The following IP6K3 variants were observed in gnomAD, a reference collection of about 807,000 sequenced individuals.
IP6K3 encodes the protein ATP:1D-myo-inositol-hexakisphosphate phosphotransferase.
In IP6K3, 20 loss-of-function variants were observed where a neutral mutation model predicts 28.8. The ratio of observed to expected loss-of-function variants is 0.70; its 90% CI spans 0.49 to 1.01. The LOEUF (loss-of-function observed/expected upper bound fraction) is 1.01. Ranked by LOEUF, IP6K3 falls within the 50% of genes least tolerant of loss-of-function variation. IP6K3 has a pLI of 0.00. For missense variants in IP6K3, 480 were observed against 537.1 expected, an observed-to-expected ratio of 0.89 and a Z score of 1.05; for synonymous variants, 213 against 221.3, an observed-to-expected ratio of 0.96 and a Z score of 0.33.
intron 4 of IP6K3, among the ~76,000 whole-genome samples, chr6:33,725,937 C>T (rs1319777154): frequency 3.9e-5 from 6 of 152,092 alleles, no homozygotes; most frequent in Non-Finnish European, 7.3e-5. Flanking sequence ...TTACATTTTA[C>T]GGCAGAAAAT....
At chr6:33,732,268 G>A (rs566121327) in intron 2 of IP6K3, among the ~76,000 whole-genome samples, 45 of 152,302 alleles carry the variant, frequency 3.0e-4, no homozygotes, top group Admixed American at 8.5e-4. Context: ...TGGCATCCCT[G>A]CCCATCATCC....
intron 1 of IP6K3, 92 bp from the exon 2 acceptor site, chr6:33,735,747 C>T: frequency 1.7e-6 from 1 of 590,814 alleles, no homozygotes; most frequent in Non-Finnish European, 2.8e-6. Flanking sequence ...GCCTCGACCC[C>T]AGAACAGGTT....
At chr6:33,747,267 A>G (rs1478751573), upstream of IP6K3, among the ~76,000 whole-genome samples, 1 of 152,140 alleles carries the variant, frequency 6.6e-6, no homozygotes, top group African/African-American at 2.4e-5. This position sits in a 1 kb window ranked among gnomAD's most constrained non-coding sequence, Gnocchi z 5.2. Flanking sequence ...TTCTTGCCCC[A>G]TCCTCTCTGC....
At position 33,740,998 on chromosome 6, in the gene IP6K3, T is replaced by C. The variant is rs190115843; in HGVS notation, c.-179-5343A>G. On this transcript the variant is annotated intron_variant, in intron 1 of 5. Transcript: ENST00000293756. ...AACATTCTGTTTTTCCCTGTGAGAA[T>C]GTGGTATGATTGCAGCTGTGAAGGT... is the stretch of plus-strand genomic sequence containing the variant. Among the ~76,000 whole-genome samples, 40 of 152,334 alleles carry C rather than the reference T, an allele frequency of 2.6e-4. 1 individual carries two copies. The East Asian group carries it at 7.3e-3, about 28-fold the overall frequency.
intron 1 of IP6K3, among the ~76,000 whole-genome samples, chr6:33,736,332 C>G (rs2127359714): frequency 6.6e-6 from 1 of 152,330 alleles, no homozygotes; most frequent in Non-Finnish European, 1.5e-5. Context: ...AAGAAGCAAG[C>G]TGAGCCACTG....
Position 33,726,900 on chromosome 6 carries a change from G to A in IP6K3, c.420C>T (p.Ala140=). The stretch of plus-strand genomic sequence containing the variant: ...GGGGCTCGGACCTCAGAAGAGCCTT[G>A]GCCGGGCTGCGGCGGAGTGGAGCAC... The part of the protein sequence containing the change: ...QLARSPKESP[A]KALLRSEPHL... The change falls in exon 4 of 6, where the codon GCC becomes GCT. Residue 140 remains alanine (A), a synonymous_variant. Coordinates refer to ENST00000293756, the MANE Select transcript of IP6K3 (RefSeq NM_054111.5). The A allele has an allele frequency of 1.2e-6, 2 of 1,600,746 alleles. No individual in the cohort carries two copies. The highest frequency in any genetic ancestry group is 1.7e-6 in the Non-Finnish European group (2 of 1,169,600).
intron 2 of IP6K3, among the ~76,000 whole-genome samples, chr6:33,730,518 G>A (rs1766281694): frequency 6.6e-6 from 1 of 152,196 alleles, no homozygotes; most frequent in Non-Finnish European, 1.5e-5. Context: ...CCATTCACCT[G>A]CCACTAGCGT....
chr6:33,759,208 T>A, the IP6K3 span, among the ~76,000 whole-genome samples: 1 of 152,230 alleles, frequency 6.6e-6, no homozygotes, highest in Non-Finnish European at 1.5e-5. Flanking sequence ...AGCCTGGGGC[T>A]GGGGAAGGGA....
chr6:33,737,653 T>C (rs964602248), intron 1 of IP6K3, among the ~76,000 whole-genome samples: 2 of 152,226 alleles, frequency 1.3e-5, no homozygotes, highest in Non-Finnish European at 2.9e-5. Context: ...CTCTTCCACA[T>C]TGGCTACTGC....
intron 1 of IP6K3, among the ~76,000 whole-genome samples, chr6:33,737,106 C>A (rs532309301): frequency 6.6e-6 from 1 of 152,312 alleles, no homozygotes; most frequent in African/African-American, 2.4e-5. Flanking sequence ...GGGGCCTGCT[C>A]TTCTCTAGGC....
chr6:33,745,115 C>T (rs746445095), intron 1 of IP6K3, among the ~76,000 whole-genome samples: 2 of 152,254 alleles, frequency 1.3e-5, no homozygotes, highest in Non-Finnish European at 2.9e-5. Context: ...TGCCACCCTG[C>T]GCCTCCCCAG....
chr6:33,728,367 G>A, intron 2 of IP6K3, 67 bp from the exon 3 acceptor site: 1 of 1,434,864 alleles, frequency 7.0e-7, no homozygotes, highest in Admixed American at 1.7e-5. Flanking sequence ...ACATGCAGGA[G>A]TGATGACGAG....
At chr6:33,736,472 T>C (rs1456040154) in intron 1 of IP6K3, among the ~76,000 whole-genome samples, 3 of 151,916 alleles carry the variant, frequency 2.0e-5, no homozygotes, top group South Asian at 2.1e-4. Flanking sequence ...TGGTGTGATC[T>C]CGGCTCACTG....
intron 5 of IP6K3, 53 bp downstream of exon 5, chr6:33,725,388 C>T: frequency 6.5e-7 from 1 of 1,532,516 alleles, no homozygotes; most frequent in African/African-American, 1.4e-5. Context: ...ATCCTTGCCC[C>T]ACCGTGGACG....
In IP6K3 at chr6:33,725,508, G is replaced by T. The variant is rs777114907; in HGVS notation, c.698C>A (p.Ala233Asp). 1 of 1,613,954 alleles carries T rather than the reference G, an allele frequency of 6.2e-7. No homozygotes were observed. Among genetic ancestry groups the T allele is most frequent in the Non-Finnish European group, 8.5e-7 (1 of 1,180,032 alleles). ...CTGCGCACACTTCCTCATGTGGCGG[G>T]CCTTCTTCTCCTCCGATGCATCATC... ...HGDDASEEKKARHMRKCAQST... is the reference protein window; with the variant it reads ...HGDDASEEKKDRHMRKCAQST... Residue 233 changes from alanine (A) to aspartate (D), a missense_variant, in exon 5 of 6, where the codon GCC (alanine) becomes GAC (aspartate). Coordinates refer to ENST00000293756, the MANE Select transcript of IP6K3 (RefSeq NM_054111.5).
At chr6:33,728,007 G>T in intron 3 of IP6K3, 80 bp downstream of exon 3, 4 of 1,547,274 alleles carry the variant, frequency 2.6e-6, no homozygotes, top group Non-Finnish European at 3.5e-6. Flanking sequence ...ATAGGGAGTG[G>T]TTGGCCTTGG....
At chr6:33,754,328 G>T in the IP6K3 span, among the ~76,000 whole-genome samples, 2 of 152,128 alleles carry the variant, frequency 1.3e-5, no homozygotes, top group South Asian at 2.1e-4. Context: ...CTCTCTGCTG[G>T]AAGGAAGGTG....
upstream of IP6K3, among the ~76,000 whole-genome samples, chr6:33,747,090 G>T (rs1766938905): frequency 6.6e-6 from 1 of 152,164 alleles, no homozygotes; most frequent in African/African-American, 2.4e-5. The surrounding 1 kb of genome is among the most constrained non-coding windows in gnomAD (Gnocchi z 5.2). Context: ...AGGAAAGGAG[G>T]ACTGGTCTGA....
intron 2 of IP6K3, among the ~76,000 whole-genome samples, chr6:33,730,790 A>G (rs1474439858): frequency 1.3e-5 from 2 of 152,162 alleles, no homozygotes; most frequent in Non-Finnish European, 2.9e-5. Flanking sequence ...GCCATGCCAG[A>G]CGTGGGGATG....
Sources: allele counts gnomAD v4.1 joint callset (sites outside exome capture counted in the v4.1 genomes callset), GRCh38; gene constraint gnomAD v4.1.1; non-coding constraint Gnocchi (gnomAD v3.1); transcripts MANE v1.5; gene names NCBI Gene and HGNC (gene_info 2026-07-23, HGNC 2026-07-21).